Variants in LARGE1 observed in about 807,000 individuals in gnomAD.
The protein encoded by LARGE1 is xylosyl- and glucuronyltransferase LARGE1.
Under a neutral mutation model 87.6 loss-of-function variants are expected in LARGE1, and 43 were observed. The observed-to-expected ratio is 0.49, with a 90% CI of 0.38 to 0.63. The LOEUF is 0.63. Ranked by LOEUF, LARGE1 falls within the 30% of genes least tolerant of loss-of-function variation. The probability of loss-of-function intolerance (pLI) is 0.00; values close to 1 mark genes in which losing one functional copy is unlikely to be tolerated. For synonymous variants in LARGE1, 434 were observed against 394.6 expected (o/e 1.10, Z -1.18); for missense variants, 802 against 1,000.2 (o/e 0.80, Z 2.67).
intron 11 of LARGE1, among the ~76,000 whole-genome samples, chr22:33,230,201 A>G (rs1191800814): frequency 6.6e-6 from 1 of 151,670 alleles, no homozygotes; most frequent in Non-Finnish European, 1.5e-5. Flanking sequence ...TTTAGTAGAG[A>G]TGGAGTTTCA....
intron 1 of LARGE1, among the ~76,000 whole-genome samples, chr22:33,777,832 G>A (rs1424400142): frequency 6.6e-6 from 1 of 152,178 alleles, no homozygotes; most frequent in East Asian, 1.9e-4. Flanking sequence ...CTTTCTTCTG[G>A]GATGCCCTGC....
chr22:33,398,410 C>T (rs1335054311), intron 7 of LARGE1, among the ~76,000 whole-genome samples: 4 of 152,162 alleles, frequency 2.6e-5, no homozygotes, highest in African/African-American at 7.2e-5. Flanking sequence ...ATTTCTGACT[C>T]CTCCAACTCT....
chr22:33,346,818 T>C (rs1939819503), intron 9 of LARGE1, among the ~76,000 whole-genome samples: 1 of 152,194 alleles, frequency 6.6e-6, no homozygotes, highest in African/African-American at 2.4e-5. Context: ...CCAATCATGA[T>C]GATCCAAGTC....
intron 11 of LARGE1, among the ~76,000 whole-genome samples, chr22:33,227,537 T>C (rs553459806): frequency 1.4e-4 from 21 of 152,336 alleles, no homozygotes; most frequent in African/African-American, 5.1e-4. Context: ...GTGGGGAAAC[T>C]GAGGTACAGG....
At chr22:33,650,222 G>C in intron 3 of LARGE1, 145 bp downstream of exon 3, 2 of 1,007,560 alleles carry the variant, frequency 2.0e-6, no homozygotes, top group East Asian at 2.4e-5. Context: ...AGCAAAGTTA[G>C]CGAGCAAGCC....
intron 13 of LARGE1, among the ~76,000 whole-genome samples, chr22:33,278,280 TA>T: frequency 6.6e-6 from 1 of 152,094 alleles, no homozygotes; most frequent in Non-Finnish European, 1.5e-5. Context: ...GAAATTCTGC[TA>T]ACCACCAGTG....
intron 10 of LARGE1, 67 bp from the exon 11 acceptor site, chr22:33,316,315 C>T: frequency 6.5e-7 from 1 of 1,531,788 alleles, no homozygotes; most frequent in Non-Finnish European, 8.9e-7. Flanking sequence ...GAGCTTGCCC[C>T]TTGAGCCCTG....
At chr22:33,221,059 A>T (rs1282842286) in intron 11 of LARGE1, among the ~76,000 whole-genome samples, 1 of 151,516 alleles carries the variant, frequency 6.6e-6, no homozygotes, top group Non-Finnish European at 1.5e-5. Flanking sequence ...CCCTCAGCAC[A>T]CCCTCCCCAG....
chr22:33,913,784 G>A (rs761170807), intron 1 of LARGE1, among the ~76,000 whole-genome samples: 3 of 151,742 alleles, frequency 2.0e-5, no homozygotes, highest in Non-Finnish European at 4.4e-5. Flanking sequence ...TCTTGACTTC[G>A]TGATCCACCT....
chr22:33,141,063 C>G, the LARGE1 span, among the ~76,000 whole-genome samples: 2 of 152,054 alleles, frequency 1.3e-5, no homozygotes, highest in South Asian at 4.2e-4. Flanking sequence ...TGCCGCCATC[C>G]TGGAGATCGT....
chr22:33,708,675 A>T (rs2082634921), intron 2 of LARGE1, among the ~76,000 whole-genome samples: 1 of 152,148 alleles, frequency 6.6e-6, no homozygotes, highest in Non-Finnish European at 1.5e-5. Flanking sequence ...ATCTCGGCTC[A>T]CTGCAACCTC....
the LARGE1 span, among the ~76,000 whole-genome samples, chr22:33,085,935 C>T: frequency 6.6e-5 from 10 of 152,146 alleles, no homozygotes; most frequent in Non-Finnish European, 1.5e-4. Flanking sequence ...TTCCACCACA[C>T]AACTGATGAA....
At chr22:33,825,929 CCACT>C (rs2062769491) in intron 1 of LARGE1, among the ~76,000 whole-genome samples, 1 of 151,894 alleles carries the variant, frequency 6.6e-6, no homozygotes, top group African/African-American at 2.4e-5. Flanking sequence ...ACAGAAACTG[CCACT>C]CTTGAGTAAG....
At chr22:33,218,805 T>C (rs1483020572) in intron 11 of LARGE1, among the ~76,000 whole-genome samples, 4 of 152,104 alleles carry the variant, frequency 2.6e-5, no homozygotes, top group Non-Finnish European at 4.4e-5. Context: ...TCTGGCAAAA[T>C]GTATTGTTTC....
chr22:33,620,335 T>A (rs2079708865), intron 4 of LARGE1, among the ~76,000 whole-genome samples: 1 of 152,182 alleles, frequency 6.6e-6, no homozygotes, highest in Non-Finnish European at 1.5e-5. Flanking sequence ...AAACACTTAG[T>A]TGCTAAATAA....
chr22:33,604,826 A>G (rs2079209010), intron 4 of LARGE1, among the ~76,000 whole-genome samples: 1 of 152,160 alleles, frequency 6.6e-6, no homozygotes, highest in African/African-American at 2.4e-5. Flanking sequence ...GCCAAACGCC[A>G]TACCTGTTAT....
chr22:33,854,212 G>GAA (rs67771177), intron 1 of LARGE1, among the ~76,000 whole-genome samples: 31 of 72,710 alleles, frequency 4.3e-4, no homozygotes, highest in South Asian at 1.1e-3. Context: ...CACTTAAGGG[G>GAA]AAAAAAAAAA....
At chr22:33,688,254 T>A (rs930081047) in intron 2 of LARGE1, among the ~76,000 whole-genome samples, 2 of 152,226 alleles carry the variant, frequency 1.3e-5, no homozygotes, top group African/African-American at 4.8e-5. Context: ...ACTAACTTGC[T>A]GGAAACAGTG....
At chr22:33,378,452 G>A (rs2065054896) in intron 9 of LARGE1, among the ~76,000 whole-genome samples, 1 of 152,178 alleles carries the variant, frequency 6.6e-6, no homozygotes, top group African/African-American at 2.4e-5. Context: ...AGGCCTTTAT[G>A]TGAGGTCTTT....
Sources: gnomAD v4.1 joint callset for allele counts (sites outside exome capture counted in the v4.1 genomes callset) on GRCh38, gnomAD v4.1.1 for gene constraint, MANE v1.5 for transcripts, NCBI Gene and HGNC (gene_info 2026-07-23, HGNC 2026-07-21) for gene names.